Variants in STOX2 observed in about 807,000 individuals in gnomAD.
STOX2 encodes storkhead-box protein 2.
In STOX2, 28 loss-of-function variants were observed where a neutral mutation model predicts 60.9. That is an observed-to-expected ratio of 0.46 (90% CI 0.34 to 0.63). STOX2 has a LOEUF of 0.63. Among genes scored for constraint, STOX2 ranks in the 30% least tolerant of loss-of-function variants. The probability of loss-of-function intolerance (pLI) is 0.01; values close to 1 mark genes in which losing one functional copy is unlikely to be tolerated. For missense variants in STOX2, 1,024 were observed against 1,187.7 expected, an observed-to-expected ratio of 0.86 and a Z score of 2.03; for synonymous variants, 472 against 463.9, an observed-to-expected ratio of 1.02 and a Z score of -0.22.
chr4:184,014,925 G>A (rs1260366155), intron 3 of STOX2: 9 of 152,122 alleles, frequency 5.9e-5, no homozygotes, highest in Non-Finnish European at 1.2e-4. Context: ...TTGAAAGCTG[G>A]TTTAAGAGTG....
At chr4:183,867,830 G>A (rs1740605602) in intron 1 of STOX2, among the ~76,000 whole-genome samples, 2 of 152,326 alleles carry the variant, frequency 1.3e-5, no homozygotes, top group Non-Finnish European at 1.5e-5. Flanking sequence ...ACAGCCCCAA[G>A]GGGGAAGCAG....
chr4:183,946,657 G>A (rs911031186), intron 1 of STOX2, among the ~76,000 whole-genome samples: 6 of 142,896 alleles, frequency 4.2e-5, no homozygotes, highest in African/African-American at 1.3e-4. Context: ...ATGGAGTCTC[G>A]CTCTGTCGCA....
At chr4:183,978,774 A>G (rs945153989) in intron 1 of STOX2, among the ~76,000 whole-genome samples, 1 of 152,186 alleles carries the variant, frequency 6.6e-6, no homozygotes, top group Admixed American at 6.5e-5. Context: ...AGGAAAAATA[A>G]CATACCAGTG....
intron 1 of STOX2, among the ~76,000 whole-genome samples, chr4:183,928,217 TCG>T (rs934332259): frequency 4.7e-4 from 18 of 38,696 alleles, no homozygotes; most frequent in African/African-American, 1.1e-3. Flanking sequence ...TGGGGAGCCC[TCG>T]GGGGGGGGCA....
chr4:184,003,576 G>A (rs1011028930), intron 2 of STOX2, among the ~76,000 whole-genome samples: 10 of 152,204 alleles, frequency 6.6e-5, no homozygotes, highest in African/African-American at 2.2e-4. Flanking sequence ...CAGGTCTAGC[G>A]CAGGAGTTTG....
rs538893886 is a variant in STOX2 at position 184,017,596 on chromosome 4, T to A, written c.*312T>A. Reference sequence around the variant, plus strand: ...AGTGTAATACGCATTTTCAATGTCATGCAGTTGCCAATTCCATTTTAAAAT... The same window carrying A: ...AGTGTAATACGCATTTTCAATGTCAAGCAGTTGCCAATTCCATTTTAAAAT... On this transcript the variant is annotated 3_prime_UTR_variant, in exon 4 of 4. Transcript: ENST00000308497. The A allele has an allele frequency of 4.1e-5, 8 of 193,952 alleles. No homozygotes were observed. Among genetic ancestry groups the A allele is most frequent in the Non-Finnish European group, 7.2e-5 (7 of 96,748 alleles). The allele number at this position is 193,952 out of a possible 1,614,324, so 12.0% of individuals were successfully genotyped here.
chr4:183,907,979 G>A (rs1560875742), intron 1 of STOX2, among the ~76,000 whole-genome samples: 1 of 152,210 alleles, frequency 6.6e-6, no homozygotes, highest in Non-Finnish European at 1.5e-5. Context: ...TCTGAGCCCT[G>A]TCTTAACTGG....
chr4:183,939,854 T>C (rs73002623), intron 1 of STOX2, among the ~76,000 whole-genome samples: 1,669 of 152,262 alleles, frequency 0.011, 22 homozygotes, highest in African/African-American at 0.038. Context: ...TTCTGACCAG[T>C]GTGATAGATA....
chr4:183,839,360 T>A (rs964031812), intron 1 of STOX2, among the ~76,000 whole-genome samples: 1 of 152,158 alleles, frequency 6.6e-6, no homozygotes, highest in Non-Finnish European at 1.5e-5. Flanking sequence ...AAATTAACCA[T>A]CACACTGATC....
chr4:183,861,176 G>A (rs1740431781), intron 1 of STOX2, among the ~76,000 whole-genome samples: 1 of 152,138 alleles, frequency 6.6e-6, no homozygotes, highest in African/African-American at 2.4e-5. Flanking sequence ...AAAATGACAG[G>A]GAGAAAAACA....
chr4:183,841,179 G>GTATC (rs146024028), intron 1 of STOX2, among the ~76,000 whole-genome samples: 25,888 of 147,878 alleles, frequency 0.18, 2,566 homozygotes, highest in East Asian at 0.36. Flanking sequence ...TTTCATCGTA[G>GTATC]TATTTATTTA....
intron 2 of STOX2, among the ~76,000 whole-genome samples, chr4:184,002,669 G>A (rs961244249): frequency 2.0e-5 from 3 of 152,218 alleles, no homozygotes; most frequent in Non-Finnish European, 4.4e-5. Flanking sequence ...TTCAAGCTTT[G>A]TTCATGCCAG....
In STOX2 at chr4:184,017,152, C is replaced by T. The variant is rs555913757; in HGVS notation, c.2649C>T (p.Pro883=). The change falls in exon 4 of 4, where the codon CCC becomes CCT. Residue 883 remains proline, a synonymous_variant. Coordinates refer to ENST00000308497, the MANE Select transcript of STOX2 (RefSeq NM_020225.3). ...SIVESNRRQN[P]ALSPAHGGAG... Reference sequence around the variant, plus strand: ...TTGAAAGTAACCGTCGTCAGAACCCCGCTTTGAGCCCGGCCCATGGTGGAG... The same window carrying T: ...TTGAAAGTAACCGTCGTCAGAACCCTGCTTTGAGCCCGGCCCATGGTGGAG... 52 of 1,613,724 alleles carry T rather than the reference C, an allele frequency of 3.2e-5. No individual in the cohort carries two copies. Among genetic ancestry groups the T allele is most frequent in the Middle Eastern group, 3.3e-4 (2 of 6,084 alleles).
chr4:183,882,491 A>G (rs1449591639), intron 1 of STOX2, among the ~76,000 whole-genome samples: 1 of 152,216 alleles, frequency 6.6e-6, no homozygotes, highest in Non-Finnish European at 1.5e-5. Flanking sequence ...ACTTCATTCT[A>G]TCCCAATTTT....
chr4:183,816,428 A>G (rs934732697), intron 1 of STOX2, among the ~76,000 whole-genome samples: 6 of 152,218 alleles, frequency 3.9e-5, no homozygotes, highest in African/African-American at 1.2e-4. Context: ...GTTCTCACTT[A>G]TAAGCGGGAG....
chr4:183,952,538 T>C (rs1743124757), intron 1 of STOX2, among the ~76,000 whole-genome samples: 1 of 152,196 alleles, frequency 6.6e-6, no homozygotes, highest in South Asian at 2.1e-4. Flanking sequence ...ATTGTCCAAA[T>C]AATTGGGGGT....
At chr4:183,950,899 G>C (rs974327747) in intron 1 of STOX2, among the ~76,000 whole-genome samples, 2 of 152,152 alleles carry the variant, frequency 1.3e-5, no homozygotes. Context: ...CCCACGTCAT[G>C]AAGTCCCTAG....
chr4:183,911,457 A>G (rs928510228), intron 1 of STOX2, among the ~76,000 whole-genome samples: 4 of 152,158 alleles, frequency 2.6e-5, no homozygotes, highest in East Asian at 1.9e-4. Flanking sequence ...GAAACTACCT[A>G]TGTTGACTCC....
intron 1 of STOX2, among the ~76,000 whole-genome samples, chr4:183,875,625 T>C (rs1740811952): frequency 6.6e-6 from 1 of 152,152 alleles, no homozygotes; most frequent in Non-Finnish European, 1.5e-5. Context: ...GAAAATTGAG[T>C]GGCAGCCTGT....
Sources: allele counts gnomAD v4.1 joint callset (sites outside exome capture counted in the v4.1 genomes callset), GRCh38; gene constraint gnomAD v4.1.1; transcripts MANE v1.5; gene names NCBI Gene and HGNC (gene_info 2026-07-23, HGNC 2026-07-21).